Variants in RRAS2 observed in about 807,000 individuals in gnomAD.
RRAS2 encodes RAS related 2.
A neutral mutation model predicts 27.6 loss-of-function variants in RRAS2; 7 were observed. The observed-to-expected ratio is 0.25, with a 90% CI of 0.14 to 0.48. RRAS2 has a LOEUF of 0.48. Among genes scored for constraint, RRAS2 ranks in the 20% least tolerant of loss-of-function variants. The pLI is 0.99. For missense variants in RRAS2, 178 were observed against 256.2 expected, an observed-to-expected ratio of 0.69 and a Z score of 2.08; for synonymous variants, 86 against 90.9, an observed-to-expected ratio of 0.95 and a Z score of 0.31.
chr11:14,347,600 A>T (rs1358346620), intron 1 of RRAS2, among the ~76,000 whole-genome samples: 1 of 152,122 alleles, frequency 6.6e-6, no homozygotes, highest in East Asian at 1.9e-4. Flanking sequence ...CAGGAGGATC[A>T]CTTGAGGCCA....
chr11:14,309,005 T>A lies in RRAS2; in HGVS notation c.109-13150A>T, dbSNP rs114323677. Among the ~76,000 whole-genome samples the A allele has an allele frequency of 8.9e-4, 136 of 152,354 alleles. 1 individual carries two copies. The highest frequency in any genetic ancestry group is 3.4e-3 in the Middle Eastern group (1 of 294). ...TGATATTGTTAAGTACTCAGTACAC[T>A]GCTTAACTAAAACTGAGTATTCAAA... On this transcript the variant is annotated intron_variant, in intron 1 of 5. Transcript: ENST00000256196.
chr11:14,322,672 A>AT (rs1848253289), intron 1 of RRAS2, among the ~76,000 whole-genome samples: 1 of 152,236 alleles, frequency 6.6e-6, no homozygotes, highest in Non-Finnish European at 1.5e-5. Context: ...ATCCAGATCT[A>AT]TATCTATGTG....
Position 14,358,208 on chromosome 11 carries a change from G to C in RRAS2, c.108+555C>G, listed in dbSNP as rs1257337192. 1.7e-5 allele frequency: 17 copies of C among 984,752 alleles called. No individual in the cohort carries two copies. The African/African-American group carries it at 3.0e-4, about 17-fold the overall frequency. The allele number at this position is 984,752 out of a possible 1,614,324, so 61.0% of individuals were successfully genotyped here. ...TCCCACCCGGACATATTACCTAAGA[G>C]AGTACTTATAAAAAGAGCGTAACAC... On this transcript the variant is annotated intron_variant, in intron 1 of 5. Coordinates refer to ENST00000256196, the MANE Select transcript of RRAS2 (RefSeq NM_012250.6). This position sits in a 1 kb window ranked among gnomAD's most constrained non-coding sequence, Gnocchi z 5.1.
chr11:14,328,987 G>GTC (rs782416411), intron 1 of RRAS2, among the ~76,000 whole-genome samples: 1 of 53,846 alleles, frequency 1.9e-5, no homozygotes, highest in Non-Finnish European at 4.8e-5. Context: ...TTATATATAT[G>GTC]TGTGTGTGTG....
At chr11:14,345,937 GAATA>G (rs1415852663) in intron 1 of RRAS2, among the ~76,000 whole-genome samples, 2 of 152,256 alleles carry the variant, frequency 1.3e-5, no homozygotes, top group Middle Eastern at 3.4e-3. Context: ...AACTCTTCAT[GAATA>G]AACAAGAAAA....
chr11:14,357,094 G>A (rs1172931759), intron 1 of RRAS2, among the ~76,000 whole-genome samples: 1 of 151,938 alleles, frequency 6.6e-6, no homozygotes, highest in Non-Finnish European at 1.5e-5. Context: ...CCCAATTACC[G>A]CTTTCTTAAT....
chr11:14,355,941 T>TA (rs1197531137), intron 1 of RRAS2, among the ~76,000 whole-genome samples: 6 of 152,078 alleles, frequency 3.9e-5, no homozygotes, highest in South Asian at 2.1e-4. Flanking sequence ...AGTGTAAATA[T>TA]AAAAAAATCG....
intron 1 of RRAS2, among the ~76,000 whole-genome samples, chr11:14,317,517 T>C (rs1848134784): frequency 6.6e-6 from 1 of 151,996 alleles, no homozygotes; most frequent in African/African-American, 2.4e-5. Flanking sequence ...AAGGCAGAGG[T>C]TGTAGTGAGC....
intron 1 of RRAS2, among the ~76,000 whole-genome samples, chr11:14,334,497 G>A (rs1591479876): frequency 6.6e-6 from 1 of 151,004 alleles, no homozygotes; most frequent in East Asian, 1.9e-4. Context: ...AATTACTGAT[G>A]GAGGGTAAAA....
intron 5 of RRAS2, among the ~76,000 whole-genome samples, chr11:14,280,168 T>C (rs558746308): frequency 1.1e-4 from 16 of 152,266 alleles, no homozygotes; most frequent in Middle Eastern, 3.4e-3. Flanking sequence ...TCCATCTTAA[T>C]CATTTTTAAG....
intron 4 of RRAS2, among the ~76,000 whole-genome samples, chr11:14,291,608 G>A (rs1209063540): frequency 6.6e-6 from 1 of 151,658 alleles, no homozygotes; most frequent in Admixed American, 6.6e-5. Context: ...GTATCTTTAG[G>A]GTGACTGAAA....
At chr11:14,284,824 C>G (rs1168532374) in intron 4 of RRAS2, among the ~76,000 whole-genome samples, 1 of 152,186 alleles carries the variant, frequency 6.6e-6, no homozygotes, top group African/African-American at 2.4e-5. Flanking sequence ...TTCATTATTG[C>G]TAGCCAGGCA....
intron 1 of RRAS2, among the ~76,000 whole-genome samples, chr11:14,329,759 C>T (rs1848447821): frequency 6.6e-6 from 1 of 152,116 alleles, no homozygotes; most frequent in African/African-American, 2.4e-5. Context: ...GATGAAAGGA[C>T]ACATTTTAAA....
At chr11:14,336,380 T>G (rs1848589918) in intron 1 of RRAS2, among the ~76,000 whole-genome samples, 1 of 150,998 alleles carries the variant, frequency 6.6e-6, no homozygotes, top group South Asian at 2.1e-4. Context: ...CCAAACCAAA[T>G]GACAAAAAGA....
chr11:14,295,420 A>T (rs1333042256), intron 2 of RRAS2, among the ~76,000 whole-genome samples: 1 of 152,222 alleles, frequency 6.6e-6, no homozygotes, highest in Non-Finnish European at 1.5e-5. Context: ...ACAGTATCAA[A>T]CTTTTTCTAT....
chr11:14,315,467 G>C (rs1190249237), intron 1 of RRAS2, among the ~76,000 whole-genome samples: 1 of 152,216 alleles, frequency 6.6e-6, no homozygotes, highest in African/African-American at 2.4e-5. Flanking sequence ...AGGAAAGTCA[G>C]CCAAGAGGAG....
At chr11:14,312,102 T>C (rs947154273) in intron 1 of RRAS2, among the ~76,000 whole-genome samples, 11 of 152,320 alleles carry the variant, frequency 7.2e-5, no homozygotes, top group African/African-American at 2.6e-4. Context: ...TGACCTCAAG[T>C]GATCCACCCA....
At chr11:14,283,488 T>A (rs1379919701) in intron 4 of RRAS2, among the ~76,000 whole-genome samples, 1 of 152,334 alleles carries the variant, frequency 6.6e-6, no homozygotes, top group East Asian at 1.9e-4. Context: ...TCAGTAGTAT[T>A]TCTTCCTTAA....
At chr11:14,315,707 T>C (rs187385148) in intron 1 of RRAS2, among the ~76,000 whole-genome samples, 1 of 152,352 alleles carries the variant, frequency 6.6e-6, no homozygotes, top group African/African-American at 2.4e-5. Flanking sequence ...TCAGGTTTTC[T>C]GTAACTCTAA....
Sources: gnomAD v4.1 joint callset for allele counts (sites outside exome capture counted in the v4.1 genomes callset) on GRCh38, gnomAD v4.1.1 for gene constraint, Gnocchi (gnomAD v3.1) non-coding constraint, MANE v1.5 for transcripts, NCBI Gene and HGNC (gene_info 2026-07-23, HGNC 2026-07-21) for gene names.